UCMA: variants seen among roughly 807,000 people sequenced by gnomAD.
UCMA encodes the protein upper zone of growth plate and cartilage matrix associated.
In UCMA, 21 loss-of-function variants were observed where a neutral mutation model predicts 21.8. The ratio of observed to expected loss-of-function variants is 0.97; its 90% CI spans 0.68 to 1.39. The LOEUF is 1.39. Among genes scored for constraint, UCMA ranks in the 40% most tolerant of loss-of-function variants. The probability of loss-of-function intolerance (pLI) is 0.00; values close to 1 mark genes in which losing one functional copy is unlikely to be tolerated. For synonymous variants in UCMA, 76 were observed against 67.9 expected, an observed-to-expected ratio of 1.12 and a Z score of -0.58; for missense variants, 193 against 178.9, an observed-to-expected ratio of 1.08 and a Z score of -0.45.
At chr10:13,233,076 C>T (rs1196348424) in intron 3 of UCMA, among the ~76,000 whole-genome samples, 1 of 152,302 alleles carries the variant, frequency 6.6e-6, no homozygotes, top group South Asian at 2.1e-4. Context: ...TTTCTCAGCA[C>T]CCAGTGTCCT....
intron 4 of UCMA, among the ~76,000 whole-genome samples, chr10:13,225,768 G>A (rs1028933144): frequency 1.3e-5 from 2 of 152,090 alleles, no homozygotes; most frequent in African/African-American, 2.4e-5. Flanking sequence ...GGCCTCAGGG[G>A]AGGGCTTGGA....
At chr10:13,222,247 C>T in intron 4 of UCMA, 47 bp from the exon 5 acceptor site, 3 of 1,570,558 alleles carry the variant, frequency 1.9e-6, no homozygotes, top group Non-Finnish European at 2.6e-6. Context: ...GGGACTCTGA[C>T]CTGCCACTGA....
rs1181508327 is a variant in UCMA at position 13,222,171 on chromosome 10, C to T, written c.349G>A (p.Glu117Lys). The T allele has an allele frequency of 3.1e-6, 5 of 1,614,034 alleles. No homozygotes were observed. The highest frequency in any genetic ancestry group is 3.3e-4 in the Middle Eastern group (2 of 6,062). ...EQEERSREAV[E>K]QWRQWHYDGL... Reference sequence around the variant, plus strand: ...TCATAGTGCCACTGGCGCCACTGCTCCACAGCCTCCCGGCTCCTCTCTTCC... The same window carrying T: ...TCATAGTGCCACTGGCGCCACTGCTTCACAGCCTCCCGGCTCCTCTCTTCC... Residue 117 changes from glutamate to lysine, a missense_variant, in exon 5 of 5, where the codon GAG becomes AAG. Physicochemically the swap from Glu to Lys is moderately conservative, Grantham distance 56. Coordinates refer to ENST00000378681, the MANE Select transcript of UCMA (RefSeq NM_145314.3).
intron 4 of UCMA, among the ~76,000 whole-genome samples, chr10:13,222,855 G>T (rs1328073409): frequency 1.3e-5 from 2 of 151,642 alleles, no homozygotes; most frequent in African/African-American, 4.8e-5. Context: ...TTTTTATGGA[G>T]GTGGAATTTC....
chr10:13,223,885 AAG>A lies in UCMA; in HGVS notation c.320-1687_320-1686del, dbSNP rs1834791105. 2.0e-5 allele frequency among the ~76,000 whole-genome samples: 3 copies of A among 151,968 alleles called. 1 individual carries two copies. The South Asian group carries it at 6.2e-4, about 31-fold the overall frequency. On this transcript the variant is annotated intron_variant, in intron 4 of 4. Coordinates refer to ENST00000378681, the MANE Select transcript of UCMA (RefSeq NM_145314.3). ...GCAAATTTACAGAGACAAAAAAAAA[AAG>A]AGGTTGCCAGAGGCTTCCAGGAGGG...
chr10:13,234,267 A>T lies in UCMA; in HGVS notation c.-9T>A. On this transcript the variant is annotated 5_prime_UTR_variant, in exon 1 of 5. Transcript: ENST00000378681. ...GCCTGTCTCCAAGTCATCTTTGCAGAGGTAGGGGCTCCGTCCAGGACCCAC... is the reference window on the plus strand; with the variant it reads ...GCCTGTCTCCAAGTCATCTTTGCAGTGGTAGGGGCTCCGTCCAGGACCCAC... The T allele has an allele frequency of 6.2e-7, 1 of 1,613,460 alleles. No homozygotes were observed. The highest frequency in any genetic ancestry group is 8.5e-7 in the Non-Finnish European group (1 of 1,179,890).
intron 3 of UCMA, among the ~76,000 whole-genome samples, chr10:13,232,850 A>C (rs1302727790): frequency 6.6e-6 from 1 of 152,062 alleles, no homozygotes; most frequent in Non-Finnish European, 1.5e-5. Flanking sequence ...TGGCAGGTGA[A>C]GGGCATGAGG....
intron 4 of UCMA, among the ~76,000 whole-genome samples, chr10:13,227,745 CACACACA>C (rs1278338729): frequency 2.4e-5 from 2 of 81,744 alleles, no homozygotes; most frequent in East Asian, 7.8e-4. Context: ...AAAGGAAATA[CACACACA>C]CACACACACA....
At chr10:13,223,457 A>G (rs1170972765) in intron 4 of UCMA, among the ~76,000 whole-genome samples, 1 of 152,228 alleles carries the variant, frequency 6.6e-6, no homozygotes, top group African/African-American at 2.4e-5. Flanking sequence ...ATTCTACAAC[A>G]TGGACAAACC....
chr10:13,222,138 G>T lies in UCMA; in HGVS notation c.382C>A (p.His128Asn). 4 of 1,614,168 alleles carry T rather than the reference G, an allele frequency of 2.5e-6. No individual in the cohort carries two copies. Among genetic ancestry groups the T allele is most frequent in the Non-Finnish European group, 3.4e-6 (4 of 1,180,034 alleles). Residue 128 changes from histidine (H) to asparagine (N), a missense_variant, in exon 5 of 5, where the codon CAC becomes AAC. Transcript: ENST00000378681. ...TGGCGGTTGTAGAGATAGGATGGGT[G>T]CAGGCCGTCATAGTGCCACTGGCGC... Reference protein sequence around the residue: ...QWRQWHYDGLHPSYLYNRHHT With the variant: ...QWRQWHYDGLNPSYLYNRHHT
At chr10:13,230,364 G>A (rs1834882437) in intron 3 of UCMA, among the ~76,000 whole-genome samples, 2 of 152,130 alleles carry the variant, frequency 1.3e-5, no homozygotes, top group South Asian at 4.1e-4. Flanking sequence ...AATTCAATAA[G>A]GAGAAAGACA....
chr10:13,226,683 C>T (rs924068622), intron 4 of UCMA, among the ~76,000 whole-genome samples: 52 of 151,984 alleles, frequency 3.4e-4, no homozygotes, highest in African/African-American at 1.2e-3. Context: ...AGAGGCAGTT[C>T]GTGAGGATTA....
chr10:13,224,946 T>A (rs1476233131), intron 4 of UCMA, among the ~76,000 whole-genome samples: 1 of 152,218 alleles, frequency 6.6e-6, no homozygotes, highest in Non-Finnish European at 1.5e-5. Context: ...AGGCCGGAGC[T>A]TTGTGTGTTC....
At chr10:13,227,160 C>A (rs989587029) in intron 4 of UCMA, among the ~76,000 whole-genome samples, 8 of 152,146 alleles carry the variant, frequency 5.3e-5, no homozygotes, top group East Asian at 3.9e-4. Flanking sequence ...TGTTTGCAGG[C>A]CTCAGCCAGG....
intron 4 of UCMA, among the ~76,000 whole-genome samples, chr10:13,227,455 C>T (rs572110745): frequency 1.2e-4 from 18 of 152,300 alleles, no homozygotes; most frequent in South Asian, 4.1e-4. Flanking sequence ...CGATGGCCCA[C>T]GCCTATAATC....
chr10:13,232,114 C>T (rs1177990504), intron 3 of UCMA, among the ~76,000 whole-genome samples: 2 of 151,604 alleles, frequency 1.3e-5, no homozygotes, highest in African/African-American at 4.9e-5. Context: ...TGGCTCATGC[C>T]TGTAATCTCA....
In UCMA at chr10:13,227,986, AC is replaced by A. The variant is rs200091916; in HGVS notation, c.319+1624del. Among the ~76,000 whole-genome samples the A allele has an allele frequency of 8.3e-3, 1,259 of 151,624 alleles. 14 individuals carry two copies. Among genetic ancestry groups the A allele is most frequent in the African/African-American group, 0.029 (1,198 of 41,348 alleles). ...CAGCACTTTCTAAGAGCAGACAGGA[AC>A]CCTGTCTGCCAAGGGGTTGAGGGGT... On this transcript the variant is annotated intron_variant, in intron 4 of 4. Transcript: ENST00000378681.
chr10:13,229,650 T>G lies in UCMA; in HGVS notation c.280A>C (p.Arg94=). 2.5e-6 allele frequency: 4 copies of G among 1,614,186 alleles called. No homozygotes were observed. Among genetic ancestry groups the G allele is most frequent in the Non-Finnish European group, 3.4e-6 (4 of 1,180,038 alleles). Residue 94 remains arginine (R), a synonymous_variant, in exon 4 of 5, where the codon AGG becomes CGG. Coordinates refer to ENST00000378681, the MANE Select transcript of UCMA (RefSeq NM_145314.3). Reference sequence around the variant, plus strand: ...TCCACGAAGTTCTCAAATTCATTCCTTTGTTCCTCGTAATATTCTCTCCGC... The same window carrying G: ...TCCACGAAGTTCTCAAATTCATTCCGTTGTTCCTCGTAATATTCTCTCCGC... The part of the protein sequence containing the change: ...ELRREYYEEQ[R]NEFENFVEEQ...
chr10:13,229,513 GAAAA>G, intron 4 of UCMA, 94 bp downstream of exon 4: 1 of 931,050 alleles, frequency 1.1e-6, no homozygotes, highest in Non-Finnish European at 1.6e-6. Flanking sequence ...CTCAAAAAAA[GAAAA>G]AAAAAAAAAG....
Sources: allele counts gnomAD v4.1 joint callset (sites outside exome capture counted in the v4.1 genomes callset), GRCh38; gene constraint gnomAD v4.1.1; transcripts MANE v1.5; gene names NCBI Gene and HGNC (gene_info 2026-07-23, HGNC 2026-07-21).